The following LOXHD1 variants were observed in gnomAD, a reference collection of about 807,000 sequenced individuals.
LOXHD1 encodes lipoxygenase homology PLAT domains 1, also known as lipoxygenase homology domain-containing protein 1.
Under a neutral mutation model 248.2 loss-of-function variants are expected in LOXHD1, and 205 were observed. That is an observed-to-expected ratio of 0.83 (90% confidence interval 0.74 to 0.93). LOXHD1 has a LOEUF of 0.93. Among genes scored for constraint, LOXHD1 ranks in the 40% least tolerant of loss-of-function variants. The probability of loss-of-function intolerance (pLI) is 0.00; values close to 1 mark genes in which losing one functional copy is unlikely to be tolerated. For missense variants in LOXHD1, 2,930 were observed against 2,971.6 expected (o/e 0.99, Z 0.33); for synonymous variants, 1,113 against 1,162.8 (o/e 0.96, Z 0.87).
rs35502357 is a variant in LOXHD1 at position 46,544,868 on chromosome 18, TG to T, written c.3619+448del. On this transcript the variant is annotated intron_variant, in intron 23 of 40. Transcript: ENST00000642948. ...TGCAGGATTTTGAGCAAATATATGA[TG>T]ACTACTTGAGGGACTGACTGACTCC... 2.6e-3 allele frequency: 1,231 copies of T among 472,186 alleles called. 5 individuals are homozygous for T. The highest frequency in any genetic ancestry group is 4.4e-3 in the Non-Finnish European group (995 of 227,484). The allele number at this position is 472,186 out of a possible 1,614,324, so 29.2% of individuals were successfully genotyped here.
At position 46,592,076 on chromosome 18, in the gene LOXHD1, G is replaced by A; in HGVS notation, c.1519-8C>T. 1 of 1,552,234 alleles carries A rather than the reference G, an allele frequency of 6.4e-7. No individual in the cohort carries two copies. Among genetic ancestry groups the A allele is most frequent in the Non-Finnish European group, 8.7e-7 (1 of 1,147,074 alleles). ...AGTGTTCATCAGGGTCATCTGGAATGAAGTTCTGGGGTGAGCAAGTTGGTG... is the reference window on the plus strand; with the variant it reads ...AGTGTTCATCAGGGTCATCTGGAATAAAGTTCTGGGGTGAGCAAGTTGGTG... On this transcript the variant is annotated splice_region_variant and splice_polypyrimidine_tract_variant and intron_variant, in intron 11 of 40. Coordinates refer to ENST00000642948, the MANE Select transcript of LOXHD1 (RefSeq NM_001384474.1).
At chr18:46,597,989 G>A (rs573496103) in intron 8 of LOXHD1, among the ~76,000 whole-genome samples, 14 of 149,838 alleles carry the variant, frequency 9.3e-5, no homozygotes, top group East Asian at 2.0e-4. Context: ...GGCTGGTCTC[G>A]ATCTCCTGAC....
intron 1 of LOXHD1, among the ~76,000 whole-genome samples, chr18:46,654,937 C>T (rs962121395): frequency 6.6e-6 from 1 of 152,170 alleles, no homozygotes; most frequent in African/African-American, 2.4e-5. Context: ...CCAGCCAGAC[C>T]AGCTGGATTC....
At chr18:46,561,373 A>G (rs944386839) in intron 18 of LOXHD1, among the ~76,000 whole-genome samples, 1 of 152,234 alleles carries the variant, frequency 6.6e-6, no homozygotes, top group Admixed American at 6.5e-5. Flanking sequence ...CATCGACTCT[A>G]GATCATGAGA....
intron 21 of LOXHD1, among the ~76,000 whole-genome samples, chr18:46,553,510 ATG>A (rs1451338749): frequency 6.6e-6 from 1 of 152,256 alleles, no homozygotes; most frequent in Non-Finnish European, 1.5e-5. Flanking sequence ...TTAGCACAGC[ATG>A]TGTTTGTCAA....
At chr18:46,542,287 C>T (rs2036595866) in intron 24 of LOXHD1, among the ~76,000 whole-genome samples, 1 of 152,066 alleles carries the variant, frequency 6.6e-6, no homozygotes, top group Admixed American at 6.6e-5. Context: ...TCAGGGATGC[C>T]AGGAAGAGCC....
rs2032784470 is a variant in LOXHD1, at chr18:46,483,712, G to A, written c.6216C>T (p.Ile2072=). Residue 2072 remains isoleucine, a synonymous_variant, in exon 40 of 41, where the codon ATC becomes ATT. Transcript: ENST00000642948. The stretch of plus-strand genomic sequence containing the variant: ...AGAGGGAGGCAATGTCCCCCAAGTA[G>A]ATGCTGTCAAACTCAAACGTGTCTG... The part of the protein sequence containing the change: ...GTTDTFEFDS[I]YLGDIASLCV... 5.8e-6 allele frequency: 9 copies of A among 1,551,742 alleles called. No individual in the cohort carries two copies. The highest frequency in any genetic ancestry group is 7.8e-6 in the Non-Finnish European group (9 of 1,146,986).
intron 23 of LOXHD1, among the ~76,000 whole-genome samples, chr18:46,543,856 G>T (rs2036677295): frequency 6.6e-6 from 1 of 152,186 alleles, no homozygotes; most frequent in African/African-American, 2.4e-5. Context: ...CACTCTCTAT[G>T]TTCCCTGGGG....
chr18:46,549,606 C>T (rs951817779), intron 21 of LOXHD1, among the ~76,000 whole-genome samples: 2 of 152,168 alleles, frequency 1.3e-5, no homozygotes, highest in African/African-American at 4.8e-5. Flanking sequence ...AAGGTCTTTT[C>T]TGTCTCAACA....
At chr18:46,566,109 G>C in intron 17 of LOXHD1, 148 bp downstream of exon 17, 1 of 781,146 alleles carries the variant, frequency 1.3e-6, no homozygotes, top group South Asian at 2.1e-5. Context: ...AGTACCAGAA[G>C]CAGTGAAAGC....
At chr18:46,583,025 C>T (rs948336340) in intron 12 of LOXHD1, among the ~76,000 whole-genome samples, 8 of 152,132 alleles carry the variant, frequency 5.3e-5, no homozygotes, top group African/African-American at 1.7e-4. Context: ...AACATCAAAA[C>T]GGAATCAGAC....
chr18:46,534,407 A>G lies in LOXHD1; in HGVS notation c.4140T>C (p.His1380=), dbSNP rs1422710604. ...GEIIEKIRIG[H]NNTGMNPGWH... ...ACCCAGGATTCATGCCCGTGTTATTATGGCCAATCCGAATTTTTTCAATGA... is the reference window on the plus strand; with the variant it reads ...ACCCAGGATTCATGCCCGTGTTATTGTGGCCAATCCGAATTTTTTCAATGA... The change falls in exon 27 of 41, where the codon CAT becomes CAC. Residue 1380 remains histidine, a synonymous_variant. Coordinates refer to ENST00000642948, the MANE Select transcript of LOXHD1 (RefSeq NM_001384474.1). The G allele has an allele frequency of 1.3e-6, 2 of 1,550,956 alleles. No homozygotes were observed. The highest frequency in any genetic ancestry group is 1.2e-5 in the South Asian group (1 of 84,038).
intron 21 of LOXHD1, among the ~76,000 whole-genome samples, chr18:46,550,683 A>G (rs1344578252): frequency 1.3e-5 from 2 of 151,802 alleles, no homozygotes; most frequent in Non-Finnish European, 2.9e-5. Context: ...GCTTCCATCA[A>G]CCAGGGTCCC....
intron 37 of LOXHD1, among the ~76,000 whole-genome samples, chr18:46,503,922 G>C (rs1390105027): frequency 6.6e-6 from 1 of 152,160 alleles, no homozygotes; most frequent in African/African-American, 2.4e-5. Context: ...ACACAGAACG[G>C]TGTGTTAGAA....
At chr18:46,540,430 C>T (rs1026422577) in intron 25 of LOXHD1, among the ~76,000 whole-genome samples, 3 of 152,146 alleles carry the variant, frequency 2.0e-5, no homozygotes, top group African/African-American at 7.2e-5. Flanking sequence ...GTCATCTCTG[C>T]AGCATACAGT....
At chr18:46,597,553 C>G (rs1171563939) in intron 8 of LOXHD1, among the ~76,000 whole-genome samples, 2 of 151,182 alleles carry the variant, frequency 1.3e-5, no homozygotes, top group East Asian at 3.9e-4. Flanking sequence ...CGCACACACA[C>G]ACACACACAC....
At chr18:46,506,481 A>G (rs776453797) in intron 36 of LOXHD1, among the ~76,000 whole-genome samples, 11 of 152,242 alleles carry the variant, frequency 7.2e-5, no homozygotes, top group Non-Finnish European at 1.6e-4. Context: ...AGCCAAATAC[A>G]GGTATTGGCC....
At chr18:46,547,583 C>T (rs2036904912) in intron 21 of LOXHD1, among the ~76,000 whole-genome samples, 1 of 152,132 alleles carries the variant, frequency 6.6e-6, no homozygotes, top group South Asian at 2.1e-4. Flanking sequence ...AGGTCCAAGT[C>T]AGACCCCTCA....
At chr18:46,647,787 C>T (rs1462576396) in intron 2 of LOXHD1, among the ~76,000 whole-genome samples, 3 of 152,186 alleles carry the variant, frequency 2.0e-5, no homozygotes, top group African/African-American at 7.2e-5. Flanking sequence ...CAGGGATCTC[C>T]TGGCTTCTAC....
Sources: allele counts gnomAD v4.1 joint callset (sites outside exome capture counted in the v4.1 genomes callset), GRCh38; gene constraint gnomAD v4.1.1; transcripts MANE v1.5; gene names NCBI Gene and HGNC (gene_info 2026-07-23, HGNC 2026-07-21).